VPS13B: variants seen among roughly 807,000 people sequenced by gnomAD.
VPS13B encodes vacuolar protein sorting 13 homolog B, also known as intermembrane lipid transfer protein VPS13B.
A neutral mutation model predicts 426.4 loss-of-function variants in VPS13B; 285 were observed. That is an observed-to-expected ratio of 0.67 (90% CI 0.61 to 0.74). The LOEUF (loss-of-function observed/expected upper bound fraction) is 0.74. Among genes scored for constraint, VPS13B ranks in the 30% least tolerant of loss-of-function variants. VPS13B has a pLI of 0.00. For synonymous variants in VPS13B, 1,676 were observed against 1,676.4 expected, an observed-to-expected ratio of 1.00 and a Z score of 0.01; for missense variants, 4,537 against 4,782.6, an observed-to-expected ratio of 0.95 and a Z score of 1.51.
intron 8 of VPS13B, among the ~76,000 whole-genome samples, chr8:99,124,398 C>G (rs755568624): frequency 6.6e-6 from 1 of 152,118 alleles, no homozygotes; most frequent in East Asian, 1.9e-4. Flanking sequence ...ACCATATAAT[C>G]TAGCTATTTT....
chr8:99,372,488 C>G (rs1336635890), intron 19 of VPS13B, among the ~76,000 whole-genome samples: 1 of 152,072 alleles, frequency 6.6e-6, no homozygotes, highest in East Asian at 1.9e-4. Flanking sequence ...ATAACCCCAT[C>G]AAAAAGTGGG....
At chr8:99,605,130 AG>A (rs1289657579) in intron 33 of VPS13B, among the ~76,000 whole-genome samples, 1 of 152,124 alleles carries the variant, frequency 6.6e-6, no homozygotes, top group Admixed American at 6.6e-5. Context: ...CTCCCTTACT[AG>A]TCTTTCATTA....
At chr8:99,223,220 A>G (rs1203544712) in intron 17 of VPS13B, among the ~76,000 whole-genome samples, 4 of 152,228 alleles carry the variant, frequency 2.6e-5, no homozygotes, top group African/African-American at 9.6e-5. Context: ...TATCCCACAT[A>G]TTTATACACA....
At chr8:99,446,811 A>G (rs1716759146) in intron 23 of VPS13B, among the ~76,000 whole-genome samples, 1 of 152,202 alleles carries the variant, frequency 6.6e-6, no homozygotes, top group Non-Finnish European at 1.5e-5. Context: ...AATAGAGATC[A>G]AGAATATTCC....
At position 99,581,439 on chromosome 8, in the gene VPS13B, A is replaced by C. The variant is rs1588516076; in HGVS notation, c.5220+3806A>C. ...AAAATTGTCTCCCACATTAAACAAA[A>C]ATTTTCCAATATTTTTGCTCTGAAA... On this transcript the variant is annotated intron_variant, in intron 33 of 61. Coordinates refer to ENST00000357162, the MANE Select transcript of VPS13B (RefSeq NM_152564.5). 2.0e-5 allele frequency among the ~76,000 whole-genome samples: 3 copies of C among 152,142 alleles called. No individual in the cohort carries two copies. The East Asian group carries it at 5.8e-4, about 29-fold the overall frequency.
intron 21 of VPS13B, among the ~76,000 whole-genome samples, chr8:99,410,663 A>G (rs1052805906): frequency 6.6e-6 from 1 of 151,970 alleles, no homozygotes; most frequent in Non-Finnish European, 1.5e-5. Context: ...TGCTGCACCC[A>G]TCTACCCGTC....
intron 17 of VPS13B, among the ~76,000 whole-genome samples, chr8:99,266,591 G>A (rs1471214560): frequency 6.6e-6 from 1 of 152,082 alleles, no homozygotes; most frequent in Non-Finnish European, 1.5e-5. Flanking sequence ...GATACCTGGT[G>A]GGAGGTAATT....
chr8:99,733,407 C>G (rs1317658847), intron 39 of VPS13B, among the ~76,000 whole-genome samples: 1 of 152,174 alleles, frequency 6.6e-6, no homozygotes, highest in African/African-American at 2.4e-5. Flanking sequence ...CTTCAGCTTT[C>G]ACATCTGCAA....
intron 19 of VPS13B, among the ~76,000 whole-genome samples, chr8:99,328,910 T>C (rs1420936490): frequency 6.6e-6 from 1 of 152,102 alleles, no homozygotes; most frequent in Non-Finnish European, 1.5e-5. Context: ...AGATTAAAAA[T>C]CTTTGTAAGT....
rs1183699836 is a variant in VPS13B at position 99,870,848 on chromosome 8, A to G, written c.11456A>G (p.His3819Arg). Residue 3819 changes from histidine (H) to arginine (R), a missense_variant, in exon 60 of 62, where the codon CAT (histidine) becomes CGT (arginine). Physicochemically the swap from His to Arg is conservative, Grantham distance 29. Coordinates refer to ENST00000357162, the MANE Select transcript of VPS13B (RefSeq NM_152564.5). ...PKQRHQPSDL[H>R]ADQAPNSHVK... ...CAGCGCCATCAGCCAAGTGATCTAC[A>G]TGCTGACCAGGCTCCAAACAGCCAT... is the stretch of plus-strand genomic sequence containing the variant. 1.2e-6 allele frequency: 2 copies of G among 1,614,216 alleles called. No homozygotes were observed. The highest frequency in any genetic ancestry group is 1.7e-6 in the Non-Finnish European group (2 of 1,180,030).
chr8:99,498,586 A>G (rs1261005297), intron 25 of VPS13B, among the ~76,000 whole-genome samples: 2 of 152,104 alleles, frequency 1.3e-5, no homozygotes, highest in Non-Finnish European at 2.9e-5. Flanking sequence ...AAAAGAAAAC[A>G]CATTCTAACA....
chr8:99,237,988 A>G (rs895054770), intron 17 of VPS13B, among the ~76,000 whole-genome samples: 5 of 151,974 alleles, frequency 3.3e-5, no homozygotes, highest in African/African-American at 1.2e-4. Flanking sequence ...CTGTACTACC[A>G]GTAAGCTTCT....
At chr8:99,035,855 AGAGAT>A (rs1294279779) in intron 2 of VPS13B, among the ~76,000 whole-genome samples, 2 of 152,118 alleles carry the variant, frequency 1.3e-5, no homozygotes, top group African/African-American at 2.4e-5. Context: ...GTTATGGCTG[AGAGAT>A]ATCTCATTGT....
chr8:99,417,775 C>G (rs1357037610), intron 21 of VPS13B, among the ~76,000 whole-genome samples: 1 of 152,034 alleles, frequency 6.6e-6, no homozygotes, highest in Admixed American at 6.6e-5. Context: ...CTTTATTCCC[C>G]TTACCTTACT....
intron 17 of VPS13B, among the ~76,000 whole-genome samples, chr8:99,204,543 C>G (rs890149992): frequency 6.6e-6 from 1 of 151,956 alleles, no homozygotes; most frequent in Non-Finnish European, 1.5e-5. Flanking sequence ...TCTGCACAGC[C>G]AAAGAAACTC....
At chr8:99,654,556 T>A (rs981814977) in intron 34 of VPS13B, among the ~76,000 whole-genome samples, 2 of 152,182 alleles carry the variant, frequency 1.3e-5, no homozygotes, top group Non-Finnish European at 2.9e-5. Flanking sequence ...TCAGTAAGCT[T>A]GTAGCTTGCC....
chr8:99,475,494 C>A (rs979009189), intron 24 of VPS13B, among the ~76,000 whole-genome samples: 1 of 152,140 alleles, frequency 6.6e-6, no homozygotes, highest in African/African-American at 2.4e-5. Flanking sequence ...TCTTAGACTC[C>A]ACTATTATTC....
At chr8:99,580,833 T>C (rs938230853) in intron 33 of VPS13B, among the ~76,000 whole-genome samples, 1 of 151,320 alleles carries the variant, frequency 6.6e-6, no homozygotes, top group Non-Finnish European at 1.5e-5. Context: ...GCATGGGTGA[T>C]AGAGCAAGAG....
intron 39 of VPS13B, among the ~76,000 whole-genome samples, chr8:99,745,851 A>G (rs146126124): frequency 2.0e-5 from 3 of 152,188 alleles, no homozygotes; most frequent in Non-Finnish European, 2.9e-5. Flanking sequence ...CATTTTATCC[A>G]TATTATCAGA....
Sources: allele counts gnomAD v4.1 joint callset (sites outside exome capture counted in the v4.1 genomes callset), GRCh38; gene constraint gnomAD v4.1.1; transcripts MANE v1.5; gene names NCBI Gene and HGNC (gene_info 2026-07-23, HGNC 2026-07-21).